Variants in FHIT observed in about 807,000 individuals in gnomAD.
The protein encoded by FHIT is fragile histidine triad diadenosine triphosphatase.
FHIT carries 19 observed loss-of-function variants against 17.9 expected under a neutral mutation model. The observed-to-expected ratio is 1.06, with a 90% confidence interval of 0.74 to 1.56. The LOEUF (loss-of-function observed/expected upper bound fraction) is 1.56, where lower values mean the gene tolerates loss of function less well. Among genes scored for constraint, FHIT ranks in the 40% most tolerant of loss-of-function variants. The pLI is 0.00. For missense variants in FHIT, 248 were observed against 189.2 expected (o/e 1.31, Z -1.82); for synonymous variants, 81 against 69.7 (o/e 1.16, Z -0.81).
At chr3:60,437,835 T>G (rs527744032) in intron 5 of FHIT, among the ~76,000 whole-genome samples, 24 of 152,228 alleles carry the variant, frequency 1.6e-4, no homozygotes, top group African/African-American at 5.5e-4. Context: ...GGTGTTTGGC[T>G]GACATACTTT....
chr3:60,882,405 C>T (rs1259538429), intron 3 of FHIT, among the ~76,000 whole-genome samples: 2 of 151,856 alleles, frequency 1.3e-5, no homozygotes, highest in Non-Finnish European at 2.9e-5. Flanking sequence ...TGATACCAAG[C>T]CAGATAAGGA....
intron 5 of FHIT, among the ~76,000 whole-genome samples, chr3:60,400,161 T>C (rs1475359589): frequency 4.6e-5 from 7 of 152,038 alleles, no homozygotes; most frequent in Admixed American, 4.6e-4. Flanking sequence ...GCAGAAGAGG[T>C]TGCAACAGAA....
intron 4 of FHIT, among the ~76,000 whole-genome samples, chr3:60,702,880 C>T (rs782328526): frequency 3.9e-5 from 6 of 152,064 alleles, no homozygotes; most frequent in Non-Finnish European, 5.9e-5. Context: ...TGTTTAACTT[C>T]CTTCCATGCC....
chr3:60,497,778 G>C (rs1278060235), intron 5 of FHIT, among the ~76,000 whole-genome samples: 3 of 152,174 alleles, frequency 2.0e-5, no homozygotes, highest in African/African-American at 7.2e-5. Context: ...TGATGATCTA[G>C]AACAGTGGGC....
At position 60,147,082 on chromosome 3, in the gene FHIT, C is replaced by T. The variant is rs1408404051; in HGVS notation, c.104-132930G>A. ...GGAGCGGAACTGGTAATATTGCTTG[C>T]AACTAAATTGGATTTTCCACCAGAG... On this transcript the variant is annotated intron_variant, in intron 5 of 9. Transcript: ENST00000492590. 2.6e-5 allele frequency among the ~76,000 whole-genome samples: 4 copies of T among 152,066 alleles called. No individual in the cohort carries two copies. In the East Asian group the frequency reaches 7.7e-4, roughly 29 times the overall value.
intron 7 of FHIT, among the ~76,000 whole-genome samples, chr3:59,966,468 C>T (rs969022923): frequency 1.3e-5 from 2 of 152,156 alleles, no homozygotes; most frequent in African/African-American, 2.4e-5. Flanking sequence ...ATATTTCACC[C>T]TTGTGCAAAC....
At chr3:60,044,452 A>T (rs1269119344) in intron 5 of FHIT, among the ~76,000 whole-genome samples, 1 of 152,184 alleles carries the variant, frequency 6.6e-6, no homozygotes, top group Non-Finnish European at 1.5e-5. Flanking sequence ...CCTTCCTCAC[A>T]ATGTTGCAAA....
At chr3:60,974,866 A>G (rs1337691576) in intron 3 of FHIT, among the ~76,000 whole-genome samples, 1 of 152,176 alleles carries the variant, frequency 6.6e-6, no homozygotes, top group Non-Finnish European at 1.5e-5. Context: ...CCCATTCTTG[A>G]AGTTCCAAAG....
At chr3:61,143,631 C>T (rs995690152) in intron 2 of FHIT, among the ~76,000 whole-genome samples, 3 of 152,130 alleles carry the variant, frequency 2.0e-5, no homozygotes, top group East Asian at 1.9e-4. Flanking sequence ...TCTGGGAGGC[C>T]GAGGCGGGTG....
chr3:60,068,259 A>C (rs1702607403), intron 5 of FHIT, among the ~76,000 whole-genome samples: 1 of 151,718 alleles, frequency 6.6e-6, no homozygotes, highest in Non-Finnish European at 1.5e-5. Flanking sequence ...AAAACAAAAC[A>C]AAAAGCATTT....
At chr3:60,100,826 G>C (rs1378779724) in intron 5 of FHIT, among the ~76,000 whole-genome samples, 1 of 144,676 alleles carries the variant, frequency 6.9e-6, no homozygotes, top group Non-Finnish European at 1.6e-5. Context: ...TTAAAACAGA[G>C]ACCAACATCT....
rs75199699 is a variant in FHIT at position 60,693,594 on chromosome 3, A to G, written c.-18+128325T>C. Among the ~76,000 whole-genome samples the G allele has an allele frequency of 2.6e-5, 4 of 152,318 alleles. No individual in the cohort carries two copies. The East Asian group carries it at 7.7e-4, about 29-fold the overall frequency. ...AAGGCATATTAAGTCTAAGGAGTAG[A>G]CTATACTTTTCTAAAATAAACACAT... On this transcript the variant is annotated intron_variant, in intron 4 of 9. Transcript: ENST00000492590.
intron 2 of FHIT, among the ~76,000 whole-genome samples, chr3:61,185,137 T>A (rs968433472): frequency 2.0e-5 from 3 of 152,222 alleles, no homozygotes; most frequent in Non-Finnish European, 2.9e-5. Flanking sequence ...GTGTAGCATA[T>A]GTTCATAAGC....
At chr3:60,206,627 C>G (rs1033181136) in intron 5 of FHIT, among the ~76,000 whole-genome samples, 1 of 152,128 alleles carries the variant, frequency 6.6e-6, no homozygotes, top group Admixed American at 6.5e-5. Context: ...GAATGCAGGA[C>G]CCCTTGTATG....
At chr3:59,960,961 G>A (rs1483057706) in intron 7 of FHIT, among the ~76,000 whole-genome samples, 2 of 152,168 alleles carry the variant, frequency 1.3e-5, no homozygotes. Flanking sequence ...TTTGAATAGT[G>A]CACTCAAAAG....
Position 60,416,590 on chromosome 3 carries a change from T to A in FHIT, c.103+120270A>T, listed in dbSNP as rs183673743. The stretch of plus-strand genomic sequence containing the variant: ...ACTGAAAGTTGAATTTTATCTAATT[T>A]TCTGGTGTCAAATATTCATATCGTG... On this transcript the variant is annotated intron_variant, in intron 5 of 9. Transcript: ENST00000492590. Among the ~76,000 whole-genome samples the A allele has an allele frequency of 7.0e-4, 107 of 152,346 alleles. 2 individuals are homozygous for A. The highest frequency in any genetic ancestry group is 1.4e-3 in the Non-Finnish European group (93 of 68,038).
chr3:60,217,465 A>C (rs1703747725), intron 5 of FHIT, among the ~76,000 whole-genome samples: 1 of 151,982 alleles, frequency 6.6e-6, no homozygotes, highest in Admixed American at 6.6e-5. Flanking sequence ...TCCTATATCC[A>C]TTCTCCCACT....
intron 4 of FHIT, among the ~76,000 whole-genome samples, chr3:60,566,170 C>T (rs1351155097): frequency 6.6e-6 from 1 of 152,092 alleles, no homozygotes; most frequent in African/African-American, 2.4e-5. Context: ...GAGTGCTTTA[C>T]TTCCAACTAA....
intron 3 of FHIT, among the ~76,000 whole-genome samples, chr3:60,878,744 G>A (rs1195579792): frequency 3.9e-5 from 6 of 152,000 alleles, no homozygotes; most frequent in African/African-American, 7.2e-5. Flanking sequence ...GCGGTGTTTG[G>A]TTTTTTGTCC....
Sources: allele counts gnomAD v4.1 joint callset (sites outside exome capture counted in the v4.1 genomes callset), GRCh38; gene constraint gnomAD v4.1.1; transcripts MANE v1.5; gene names NCBI Gene and HGNC (gene_info 2026-07-23, HGNC 2026-07-21).